Variants in VRK2 observed in about 807,000 individuals in gnomAD.
VRK2 encodes serine/threonine-protein kinase VRK2.
Under a neutral mutation model 57.6 loss-of-function variants are expected in VRK2, and 60 were observed. The observed-to-expected ratio is 1.04, with a 90% CI of 0.85 to 1.29. VRK2 has a LOEUF of 1.29. Ranked by LOEUF, VRK2 falls within the 50% of genes most tolerant of loss-of-function variation. The pLI, the probability that VRK2 is intolerant of heterozygous loss-of-function variation, is 0.00. For synonymous variants in VRK2, 231 were observed against 199.2 expected, an observed-to-expected ratio of 1.16 and a Z score of -1.35; for missense variants, 705 against 588.1, an observed-to-expected ratio of 1.20 and a Z score of -2.06.
chr2:58,035,597 C>T (rs909947831), intron 3 of VRK2, among the ~76,000 whole-genome samples: 7 of 152,096 alleles, frequency 4.6e-5, no homozygotes, highest in African/African-American at 1.7e-4. Context: ...AAATACTTCG[C>T]ACTATTGACT....
At chr2:58,029,230 T>A (rs1264811833) in intron 2 of VRK2, among the ~76,000 whole-genome samples, 1 of 151,928 alleles carries the variant, frequency 6.6e-6, no homozygotes, top group Non-Finnish European at 1.5e-5. Flanking sequence ...GAGGAAAAAA[T>A]AATAGATAAA....
chr2:58,035,526 G>C (rs1000014624), intron 3 of VRK2, among the ~76,000 whole-genome samples: 1 of 151,930 alleles, frequency 6.6e-6, no homozygotes, highest in African/African-American at 2.4e-5. Context: ...TTCATGACTC[G>C]AGTAACATTT....
intron 2 of VRK2, among the ~76,000 whole-genome samples, chr2:58,058,666 A>T (rs1386660847): frequency 2.0e-5 from 3 of 152,050 alleles, no homozygotes; most frequent in Non-Finnish European, 4.4e-5. Context: ...TAGTTTTTGA[A>T]TTCTTTTTTT....
intron 7 of VRK2, among the ~76,000 whole-genome samples, chr2:58,093,778 T>G (rs1672721380): frequency 6.7e-6 from 1 of 149,902 alleles, no homozygotes; most frequent in Admixed American, 6.7e-5. Flanking sequence ...GGTTTTCTTC[T>G]AGGGTTTTTA....
intron 2 of VRK2, among the ~76,000 whole-genome samples, chr2:58,032,460 C>T (rs569807449): frequency 5.9e-5 from 9 of 151,974 alleles, no homozygotes; most frequent in Non-Finnish European, 1.2e-4. Flanking sequence ...CCTCTGTGTT[C>T]CCTTTTGTAG....
intron 1 of VRK2, among the ~76,000 whole-genome samples, chr2:57,971,968 G>T (rs962995906): frequency 6.6e-6 from 1 of 151,780 alleles, no homozygotes; most frequent in Non-Finnish European, 1.5e-5. Flanking sequence ...CCTAATTACT[G>T]TACCTAATTA....
rs551880045 is a variant in VRK2, at chr2:57,991,690, T to G, written c.-438-33975T>G. On this transcript the variant is annotated intron_variant, in intron 1 of 15. Coordinates refer to the VRK2 transcript ENST00000417641. The stretch of plus-strand genomic sequence containing the variant: ...TTGGCCGGGTGTGGTAGCTCACGCC[T>G]GTAATCCCCAGCACTTTGGGAGGCC... Among the ~76,000 whole-genome samples, 3 of 151,824 alleles carry G rather than the reference T, an allele frequency of 2.0e-5. No individual in the cohort carries two copies. In the South Asian group the frequency reaches 6.2e-4, roughly 31 times the overall value.
rs540991516 is a variant in VRK2, at chr2:58,143,207, T to G, written c.1024-3109T>G. Among the ~76,000 whole-genome samples, 5 of 152,112 alleles carry G rather than the reference T, an allele frequency of 3.3e-5. No individual in the cohort carries two copies. The East Asian group carries it at 9.6e-4, about 29-fold the overall frequency. ...CTTAATTAGAAGCACATTTTTGGTT[T>G]ATTAATTTTTAGGAGTCCAAAGGTA... On this transcript the variant is annotated intron_variant, in intron 11 of 12. Coordinates refer to ENST00000340157, the MANE Select transcript of VRK2 (RefSeq NM_006296.7).
At chr2:58,122,217 C>A (rs1677617568) in intron 7 of VRK2, among the ~76,000 whole-genome samples, 1 of 152,140 alleles carries the variant, frequency 6.6e-6, no homozygotes, top group African/African-American at 2.4e-5. Flanking sequence ...CATTATGTTT[C>A]CTGTTAAAGG....
chr2:57,921,067 A>T (rs1043051617), intron 1 of VRK2, among the ~76,000 whole-genome samples: 1 of 152,018 alleles, frequency 6.6e-6, no homozygotes, highest in African/African-American at 2.4e-5. Flanking sequence ...CAGTTAGATG[A>T]GCAGGGACTA....
At chr2:57,984,471 AACCAT>A (rs1307734429) in intron 1 of VRK2, among the ~76,000 whole-genome samples, 3 of 152,142 alleles carry the variant, frequency 2.0e-5, no homozygotes, top group Non-Finnish European at 2.9e-5. Flanking sequence ...AGAGAAGAAA[AACCAT>A]ATAATTGTAT....
intron 12 of VRK2, 113 bp from the exon 13 acceptor site, chr2:58,159,236 C>A: frequency 2.5e-6 from 2 of 794,618 alleles, no homozygotes; most frequent in Non-Finnish European, 3.8e-6. Context: ...AAATAACACG[C>A]AAAAACTTGA....
intron 3 of VRK2, among the ~76,000 whole-genome samples, chr2:58,035,917 T>G (rs1378130169): frequency 6.6e-6 from 1 of 152,024 alleles, no homozygotes; most frequent in African/African-American, 2.4e-5. Flanking sequence ...GAGTTGTTCT[T>G]TTGAACTATA....
Position 58,089,738 on chromosome 2 carries a change from T to C in VRK2, c.543+15T>C. 6.4e-7 allele frequency: 1 copy of C among 1,568,034 alleles called. No homozygotes were observed. The highest frequency in any genetic ancestry group is 8.7e-7 in the Non-Finnish European group (1 of 1,145,310). ...ATCCAGACCAGGTAAATACATACTT[T>C]TGCTTTTAATAAAGGTCTTTAATGT... On this transcript the variant is annotated intron_variant, in intron 7 of 12. Transcript: ENST00000340157.
chr2:58,087,370 C>T (rs1036687077), intron 5 of VRK2, among the ~76,000 whole-genome samples: 3 of 152,098 alleles, frequency 2.0e-5, no homozygotes, highest in African/African-American at 7.2e-5. Flanking sequence ...ACATCCATAT[C>T]ATGTCATATG....
At chr2:58,053,418 G>A (rs960842880) in intron 2 of VRK2, among the ~76,000 whole-genome samples, 3 of 152,036 alleles carry the variant, frequency 2.0e-5, no homozygotes, top group Non-Finnish European at 2.9e-5. Context: ...TCATGTTGTC[G>A]GATTAGCCTA....
chr2:57,936,977 T>C (rs1043084802), intron 1 of VRK2, among the ~76,000 whole-genome samples: 4 of 152,206 alleles, frequency 2.6e-5, no homozygotes, highest in Admixed American at 1.3e-4. Flanking sequence ...AAACAATATA[T>C]CTGCTCTTTC....
chr2:57,964,744 G>A (rs1671861145), intron 1 of VRK2, among the ~76,000 whole-genome samples: 1 of 151,904 alleles, frequency 6.6e-6, no homozygotes, highest in Non-Finnish European at 1.5e-5. Flanking sequence ...AAATTAGCCT[G>A]TTGTGGTGGC....
At chr2:58,034,248 C>T (rs919052739) in intron 3 of VRK2, among the ~76,000 whole-genome samples, 3 of 152,030 alleles carry the variant, frequency 2.0e-5, no homozygotes, top group Admixed American at 6.6e-5. Context: ...CTTTCAGAAT[C>T]GTTTTCTGCT....
Sources: gnomAD v4.1 joint callset for allele counts (sites outside exome capture counted in the v4.1 genomes callset) on GRCh38, gnomAD v4.1.1 for gene constraint, MANE v1.5 for transcripts, NCBI Gene and HGNC (gene_info 2026-07-23, HGNC 2026-07-21) for gene names.